Variants in SPOCK1 observed in about 807,000 individuals in gnomAD.
The protein encoded by SPOCK1 is testican-1.
A neutral mutation model predicts 55.3 loss-of-function variants in SPOCK1; 23 were observed. The ratio of observed to expected loss-of-function variants is 0.42; its 90% CI spans 0.30 to 0.59. The LOEUF (loss-of-function observed/expected upper bound fraction) is 0.59, where lower values mean the gene tolerates loss of function less well. Among genes scored for constraint, SPOCK1 ranks in the 20% least tolerant of loss-of-function variants. The probability of loss-of-function intolerance (pLI) is 0.22; values close to 1 mark genes in which losing one functional copy is unlikely to be tolerated. For synonymous variants in SPOCK1, 226 were observed against 221.0 expected, an observed-to-expected ratio of 1.02 and a Z score of -0.20; for missense variants, 499 against 552.5, an observed-to-expected ratio of 0.90 and a Z score of 0.97.
intron 2 of SPOCK1, among the ~76,000 whole-genome samples, chr5:137,271,438 T>C (rs1756962276): frequency 6.6e-6 from 1 of 150,462 alleles, no homozygotes; most frequent in Non-Finnish European, 1.5e-5. Flanking sequence ...ATGTTTTTCA[T>C]ACACATAAAT....
chr5:137,322,158 C>A lies in SPOCK1; in HGVS notation c.187-55103G>T, dbSNP rs539382682. 5.9e-5 allele frequency among the ~76,000 whole-genome samples: 9 copies of A among 152,002 alleles called. No individual in the cohort carries two copies. The East Asian group carries it at 1.6e-3, about 26-fold the overall frequency. On this transcript the variant is annotated intron_variant, in intron 2 of 10. Transcript: ENST00000394945. ...CCAGCCTGGGCAACATAGCAAAACC[C>A]CATTCTTACTAAAAAATACAAAAAT...
intron 3 of SPOCK1, among the ~76,000 whole-genome samples, chr5:137,190,932 T>G (rs148208496): frequency 5.3e-5 from 8 of 152,340 alleles, no homozygotes; most frequent in African/African-American, 1.7e-4. Flanking sequence ...GAACTCATTT[T>G]GAGGTCCACC....
intron 2 of SPOCK1, among the ~76,000 whole-genome samples, chr5:137,490,536 A>G (rs1171964699): frequency 6.6e-6 from 1 of 152,232 alleles, no homozygotes; most frequent in African/African-American, 2.4e-5. Flanking sequence ...CCTGGTGCCC[A>G]TAAAGCCTGC....
chr5:137,179,768 T>C (rs1029401991), intron 3 of SPOCK1, among the ~76,000 whole-genome samples: 1 of 152,156 alleles, frequency 6.6e-6, no homozygotes, highest in East Asian at 1.9e-4. Flanking sequence ...GGCAGTCCCC[T>C]GACTTCACTT....
intron 3 of SPOCK1, among the ~76,000 whole-genome samples, chr5:137,189,249 C>T (rs1755130359): frequency 6.6e-6 from 1 of 152,198 alleles, no homozygotes; most frequent in South Asian, 2.1e-4. Context: ...AAACAACTTT[C>T]TATTGGAAGA....
intron 2 of SPOCK1, among the ~76,000 whole-genome samples, chr5:137,268,736 A>G (rs1333517183): frequency 6.6e-6 from 1 of 151,454 alleles, no homozygotes; most frequent in Non-Finnish European, 1.5e-5. Flanking sequence ...AAAAGGATCA[A>G]CCGTTCATCC....
At chr5:137,454,530 C>A (rs1007617207) in intron 2 of SPOCK1, among the ~76,000 whole-genome samples, 17 of 152,052 alleles carry the variant, frequency 1.1e-4, no homozygotes, top group African/African-American at 3.6e-4. Flanking sequence ...GAGGGGGGAA[C>A]AATGAGATAT....
In SPOCK1 at chr5:137,213,657, AT is replaced by A. The variant is rs1008751141; in HGVS notation, c.232+53352del. On this transcript the variant is annotated intron_variant, in intron 3 of 10. Coordinates refer to ENST00000394945, the MANE Select transcript of SPOCK1 (RefSeq NM_004598.4). ...CTCAATGACCACATGCTCCAAACTA[AT>A]TCAGTATGTTGATGAGCCTCTAGTT... 8.5e-5 allele frequency among the ~76,000 whole-genome samples: 13 copies of A among 152,288 alleles called. 1 individual carries two copies. The highest frequency in any genetic ancestry group is 2.9e-4 in the African/African-American group (12 of 41,552).
chr5:137,173,486 T>C (rs1183408798), intron 3 of SPOCK1, among the ~76,000 whole-genome samples: 4 of 152,164 alleles, frequency 2.6e-5, no homozygotes, highest in African/African-American at 9.7e-5. Context: ...TGTGATCCAA[T>C]TGCTATTCCA....
At chr5:136,988,755 T>A in intron 7 of SPOCK1, 112 bp from the exon 8 acceptor site, 1 of 890,210 alleles carries the variant, frequency 1.1e-6, no homozygotes, top group Non-Finnish European at 1.7e-6. Context: ...ACTCCCTTCC[T>A]GAGGCTGTTT....
intron 3 of SPOCK1, among the ~76,000 whole-genome samples, chr5:137,167,445 A>C (rs1259534065): frequency 1.3e-5 from 2 of 151,438 alleles, no homozygotes; most frequent in Non-Finnish European, 3.0e-5. Flanking sequence ...ATAGGACTTA[A>C]TCTGCACTAT....
intron 2 of SPOCK1, among the ~76,000 whole-genome samples, chr5:137,393,996 T>C (rs1229940448): frequency 1.3e-5 from 2 of 152,198 alleles, no homozygotes; most frequent in Non-Finnish European, 2.9e-5. Flanking sequence ...ATGGATGACT[T>C]ATATAATAAA....
intron 3 of SPOCK1, among the ~76,000 whole-genome samples, chr5:137,166,065 G>T (rs974636663): frequency 5.9e-5 from 9 of 151,982 alleles, no homozygotes; most frequent in African/African-American, 2.2e-4. Context: ...GTACAAGAAG[G>T]TTATATAACA....
chr5:137,328,881 T>C (rs1468382431), intron 2 of SPOCK1, among the ~76,000 whole-genome samples: 1 of 152,170 alleles, frequency 6.6e-6, no homozygotes, highest in East Asian at 1.9e-4. Context: ...TGCAATTCTT[T>C]TGGGAATTGG....
At chr5:137,285,877 T>C (rs1757254609) in intron 2 of SPOCK1, among the ~76,000 whole-genome samples, 1 of 152,128 alleles carries the variant, frequency 6.6e-6, no homozygotes, top group Admixed American at 6.5e-5. Flanking sequence ...GTCAGCACAA[T>C]TGTTTTTTTT....
At chr5:137,222,256 A>C (rs1260724771) in intron 3 of SPOCK1, among the ~76,000 whole-genome samples, 3 of 152,096 alleles carry the variant, frequency 2.0e-5, no homozygotes, top group Non-Finnish European at 4.4e-5. Context: ...TCCCGCCCCC[A>C]CTTCAGAGTA....
chr5:137,419,856 G>C (rs1752445161), intron 2 of SPOCK1, among the ~76,000 whole-genome samples: 2 of 152,262 alleles, frequency 1.3e-5, no homozygotes, highest in East Asian at 1.9e-4. Flanking sequence ...GGAGTGGTGA[G>C]AGAGGGCATC....
At chr5:137,119,443 A>G (rs183640153) in intron 4 of SPOCK1, among the ~76,000 whole-genome samples, 2 of 152,354 alleles carry the variant, frequency 1.3e-5, no homozygotes, top group Admixed American at 6.5e-5. Context: ...TCATTATACT[A>G]AGTCATAAAA....
At chr5:137,469,297 G>C (rs183245158) in intron 2 of SPOCK1, among the ~76,000 whole-genome samples, 2 of 152,308 alleles carry the variant, frequency 1.3e-5, no homozygotes, top group East Asian at 3.9e-4. Flanking sequence ...CGAATATGTA[G>C]TCAGCTTTCC....
Sources: allele counts gnomAD v4.1 joint callset (sites outside exome capture counted in the v4.1 genomes callset), GRCh38; gene constraint gnomAD v4.1.1; transcripts MANE v1.5; gene names NCBI Gene and HGNC (gene_info 2026-07-23, HGNC 2026-07-21).